VDR: variants seen among roughly 807,000 people sequenced by gnomAD.
VDR encodes vitamin D3 receptor.
Under a neutral mutation model 39.7 loss-of-function variants are expected in VDR, and 19 were observed. The ratio of observed to expected loss-of-function variants is 0.48; its 90% CI spans 0.33 to 0.70. The LOEUF (loss-of-function observed/expected upper bound fraction) is 0.70, where lower values mean the gene tolerates loss of function less well. VDR is among the 30% of genes least tolerant of loss of function. The pLI, the probability that VDR is intolerant of heterozygous loss-of-function variation, is 0.02. For synonymous variants in VDR, 242 were observed against 215.8 expected, an observed-to-expected ratio of 1.12 and a Z score of -1.07; for missense variants, 442 against 570.5, an observed-to-expected ratio of 0.77 and a Z score of 2.29.
chr12:47,866,115 C>CTTTTTT, intron 3 of VDR, among the ~76,000 whole-genome samples: 1 of 147,266 alleles, frequency 6.8e-6, no homozygotes. Context: ...AGAAAAAACC[C>CTTTTTT]TTTTTTTTTT....
At chr12:47,865,968 G>A (rs1945725958) in intron 3 of VDR, among the ~76,000 whole-genome samples, 1 of 151,900 alleles carries the variant, frequency 6.6e-6, no homozygotes, top group Admixed American at 6.6e-5. Context: ...GCCTGCCTTG[G>A]CCTCCCAAAG....
chr12:47,879,893 T>G (rs965712341), intron 2 of VDR, among the ~76,000 whole-genome samples: 1 of 152,298 alleles, frequency 6.6e-6, no homozygotes. Flanking sequence ...TAGAGATGGA[T>G]TTCATACTTG....
chr12:47,873,111 G>C (rs1458283933), intron 3 of VDR, among the ~76,000 whole-genome samples: 2 of 152,126 alleles, frequency 1.3e-5, no homozygotes, highest in South Asian at 2.1e-4. Flanking sequence ...TCGAAGGAGG[G>C]GCCTGGTGGG....
rs1565615421 is a variant in VDR at position 47,859,922 on chromosome 12, T to TC, written c.278-2235_278-2234insG. Among the ~76,000 whole-genome samples the TC allele has an allele frequency of 2.6e-3, 69 of 26,606 alleles. 1 individual carries two copies. The highest frequency in any genetic ancestry group is 4.4e-3 in the Non-Finnish European group (60 of 13,490). 17.5% of individuals were successfully genotyped at this position (26,606 alleles called of 152,430 possible). A position where few individuals can be genotyped will look rare whatever the true frequency, so the allele number is the denominator to read the frequency against. ...CCTTCCTTCCTTCCTTCCTTCTTTC[T>TC]TTTTCTTTCTTTCTTTCTTTCTTTC... On this transcript the variant is annotated intron_variant, in intron 4 of 9. Coordinates refer to ENST00000549336, the MANE Select transcript of VDR (RefSeq NM_000376.3).
intron 3 of VDR, 113 bp downstream of exon 3, chr12:47,878,855 T>A (rs1946068589): frequency 6.4e-7 from 1 of 1,560,460 alleles, no homozygotes; most frequent in South Asian, 1.1e-5. Flanking sequence ...CGCCGCATGT[T>A]CCATGGACAT....
intron 3 of VDR, among the ~76,000 whole-genome samples, chr12:47,878,283 C>T (rs1002481496): frequency 1.2e-4 from 18 of 152,180 alleles, no homozygotes; most frequent in African/African-American, 4.3e-4. Context: ...CAATTCATCC[C>T]TTTCCCACGC....
chr12:47,882,084 A>T (rs1405058879), intron 2 of VDR, among the ~76,000 whole-genome samples: 1 of 152,208 alleles, frequency 6.6e-6, no homozygotes, highest in Non-Finnish European at 1.5e-5. Context: ...GCTATGATGC[A>T]AGCGAGTGGA....
rs1487509743 is a variant in VDR, at chr12:47,872,666, C to CTT, written c.146+6301_146+6302insAA. 1.1e-4 allele frequency among the ~76,000 whole-genome samples: 16 copies of CTT among 152,318 alleles called. No individual in the cohort carries two copies. The East Asian group carries it at 3.1e-3, about 29-fold the overall frequency. ...ATGAAGCTCTCTCAGAGCCCCTGGC[C>CTT]CAGCCCTTCCCTCTTCATACCTGAT... On this transcript the variant is annotated intron_variant, in intron 3 of 9. Coordinates refer to ENST00000549336, the MANE Select transcript of VDR (RefSeq NM_000376.3).
chr12:47,850,128 A>T (rs186051176), intron 7 of VDR, among the ~76,000 whole-genome samples: 2 of 152,342 alleles, frequency 1.3e-5, no homozygotes, highest in Admixed American at 6.5e-5. Context: ...CTGGGATTAT[A>T]GGTGTGAGCC....
intron 1 of VDR, among the ~76,000 whole-genome samples, chr12:47,887,215 A>C (rs1450731683): frequency 6.7e-6 from 1 of 149,222 alleles, no homozygotes; most frequent in Non-Finnish European, 1.5e-5. Context: ...CCAGCTACTC[A>C]GGAGGCTGAG....
chr12:47,860,158 G>T (rs965577724), intron 4 of VDR, among the ~76,000 whole-genome samples: 2 of 151,892 alleles, frequency 1.3e-5, no homozygotes, highest in South Asian at 2.1e-4. Context: ...TAGAGATGGG[G>T]TTTCACCATG....
At chr12:47,888,876 C>G (rs112716055) in intron 1 of VDR, among the ~76,000 whole-genome samples, 163 of 152,196 alleles carry the variant, frequency 1.1e-3, no homozygotes, top group Middle Eastern at 3.4e-3. Context: ...TATAATTTAC[C>G]TTCTATTCCC....
At position 47,879,135 on chromosome 12, in the gene VDR, G is replaced by A. The variant is rs747749001; in HGVS notation, c.-2-20C>T. The A allele has an allele frequency of 1.9e-6, 3 of 1,612,064 alleles. No individual in the cohort carries two copies. In the South Asian group the frequency reaches 3.3e-5, roughly 18 times the overall value. On this transcript the variant is annotated intron_variant, in intron 2 of 9. Transcript: ENST00000549336. Reference sequence around the variant, plus strand: ...CCATCCCTGTAAGAACAGCAAGCAGGCCACGGTCAGAGCCAGAGTCAGTGC... The same window carrying A: ...CCATCCCTGTAAGAACAGCAAGCAGACCACGGTCAGAGCCAGAGTCAGTGC...
At chr12:47,852,490 C>T (rs1188723873) in intron 7 of VDR, among the ~76,000 whole-genome samples, 1 of 152,196 alleles carries the variant, frequency 6.6e-6, no homozygotes, top group African/African-American at 2.4e-5. Context: ...CAATGCCGGG[C>T]TCACACAAGA....
chr12:47,859,920 T>C (rs1166570782), intron 4 of VDR, among the ~76,000 whole-genome samples: 895 of 34,842 alleles, frequency 0.026, 41 homozygotes, highest in East Asian at 0.066. Context: ...CTTCCTTCTT[T>C]CTTTTTCTTT....
chr12:47,872,936 A>G (rs1180813569), intron 3 of VDR, among the ~76,000 whole-genome samples: 4 of 151,914 alleles, frequency 2.6e-5, no homozygotes, highest in Non-Finnish European at 4.4e-5. Flanking sequence ...TTTACAAGTG[A>G]CACAAAAAGG....
rs574090625 is a variant in VDR at position 47,844,901 on chromosome 12, G to A, written c.1129C>T (p.His377Tyr). The A allele has an allele frequency of 6.2e-7, 1 of 1,614,198 alleles. No homozygotes were observed. The highest frequency in any genetic ancestry group is 1.6e-4 in the Middle Eastern group (1 of 6,062). ...TGGATCATCTTGGCATAGAGCAGGTGGCTGCCCGGGGGCGGGTGGCGGCAG... is the reference window on the plus strand; with the variant it reads ...TGGATCATCTTGGCATAGAGCAGGTAGCTGCCCGGGGGCGGGTGGCGGCAG... ...IRCRHPPPGS[H>Y]LLYAKMIQKL... The change falls in exon 10 of 10, where the codon CAC becomes TAC. Residue 377 changes from histidine to tyrosine, a missense_variant. Physicochemically the swap from His to Tyr is moderately conservative, Grantham distance 83 (BLOSUM62 2). Around this residue, in one of 5 missense-constraint regions of VDR, gnomAD observed 173 missense variants for 252.0 expected, o/e 0.69. Transcript: ENST00000549336.
intron 1 of VDR, chr12:47,901,658 G>A (rs1286704703): frequency 1.3e-5 from 2 of 153,088 alleles, no homozygotes; most frequent in Non-Finnish European, 2.9e-5. Flanking sequence ...GACTTTCTGT[G>A]GGATAGTGTG....
At chr12:47,888,320 C>G (rs947864821) in intron 1 of VDR, among the ~76,000 whole-genome samples, 2 of 152,116 alleles carry the variant, frequency 1.3e-5, no homozygotes, top group Admixed American at 1.3e-4. Flanking sequence ...GGGACGCAGC[C>G]AAACCATATC....
Sources: gnomAD v4.1 joint callset for allele counts (sites outside exome capture counted in the v4.1 genomes callset) on GRCh38, gnomAD v4.1.1 for gene constraint, gnomAD v4.1.1 regional missense constraint, MANE v1.5 for transcripts, NCBI Gene and HGNC (gene_info 2026-07-23, HGNC 2026-07-21) for gene names.